VAV1: variants seen among roughly 807,000 people sequenced by gnomAD.
The protein encoded by VAV1 is vav guanine nucleotide exchange factor 1.
In VAV1, 33 loss-of-function variants were observed where a neutral mutation model predicts 128.1. The observed-to-expected ratio is 0.26, with a 90% CI of 0.20 to 0.34. The LOEUF is 0.34. VAV1 is among the 10% of genes least tolerant of loss of function. The pLI is 1.00. For synonymous variants in VAV1, 394 were observed against 409.8 expected (o/e 0.96, Z 0.47); for missense variants, 715 against 1,093.7 (o/e 0.65, Z 4.88).
intron 19 of VAV1, among the ~76,000 whole-genome samples, chr19:6,834,763 G>A (rs953136604): frequency 6.7e-6 from 1 of 148,816 alleles, no homozygotes; most frequent in African/African-American, 2.5e-5. Context: ...TCCCAGGCTG[G>A]AGTGCAGAGG....
chr19:6,783,035 C>T (rs966521647), intron 1 of VAV1, among the ~76,000 whole-genome samples: 1 of 152,016 alleles, frequency 6.6e-6, no homozygotes, highest in East Asian at 1.9e-4. Context: ...CATAAATTAG[C>T]CAGGCGTGGT....
rs558778888 is a variant in VAV1, at chr19:6,838,270, T to C, written c.1980+1220T>C. Among the ~76,000 whole-genome samples, 4 of 151,958 alleles carry C rather than the reference T, an allele frequency of 2.6e-5. No individual in the cohort carries two copies. The East Asian group carries it at 7.7e-4, about 29-fold the overall frequency. On this transcript the variant is annotated intron_variant, in intron 21 of 26. Coordinates refer to ENST00000602142, the MANE Select transcript of VAV1 (RefSeq NM_005428.4). ...ATCTTTTATCTATTTACCTATCATC[T>C]ATCCATCTATTCGTCATCTACATAT...
chr19:6,856,580 C>T (rs1451557464), intron 26 of VAV1, among the ~76,000 whole-genome samples: 46 of 150,320 alleles, frequency 3.1e-4, no homozygotes, highest in African/African-American at 9.8e-4. Flanking sequence ...AAAAATTAGC[C>T]GGGTGTGGTG....
intron 1 of VAV1, among the ~76,000 whole-genome samples, chr19:6,776,510 A>C (rs1180589942): frequency 1.7e-5 from 1 of 60,088 alleles, no homozygotes; most frequent in African/African-American, 7.1e-5. Flanking sequence ...TCATCTATCC[A>C]TCCATCCTCT....
rs116127848 is a variant in VAV1 at position 6,788,172 on chromosome 19, G to C, written c.204+15161G>C. On this transcript the variant is annotated intron_variant, in intron 1 of 26. Coordinates refer to ENST00000602142, the MANE Select transcript of VAV1 (RefSeq NM_005428.4). ...TGATATGGAACTTCTGGCCTCAAATGATCCTTCTGCCTCAGCCTCCCAAAG... is the reference window on the plus strand; with the variant it reads ...TGATATGGAACTTCTGGCCTCAAATCATCCTTCTGCCTCAGCCTCCCAAAG... Among the ~76,000 whole-genome samples, 593 of 152,046 alleles carry C rather than the reference G, an allele frequency of 3.9e-3. 5 individuals are homozygous for C. The highest frequency in any genetic ancestry group is 0.013 in the African/African-American group (529 of 41,510).
chr19:6,778,252 G>A (rs1055766958), intron 1 of VAV1, among the ~76,000 whole-genome samples: 1 of 152,140 alleles, frequency 6.6e-6, no homozygotes, highest in African/African-American at 2.4e-5. Context: ...CTGTGCTCTT[G>A]AAGTCCAAAA....
At chr19:6,839,140 A>G (rs1972305249) in intron 21 of VAV1, among the ~76,000 whole-genome samples, 1 of 149,708 alleles carries the variant, frequency 6.7e-6, no homozygotes, top group Admixed American at 6.7e-5. Context: ...TGACCTTGTG[A>G]TCCGCCAGCT....
chr19:6,809,396 T>C (rs1239386584), intron 1 of VAV1, among the ~76,000 whole-genome samples: 1 of 152,140 alleles, frequency 6.6e-6, no homozygotes, highest in Non-Finnish European at 1.5e-5. Context: ...CTTTGGCTGG[T>C]AGGAGCTGGA....
chr19:6,798,054 A>G (rs967148222), intron 1 of VAV1, among the ~76,000 whole-genome samples: 1 of 152,134 alleles, frequency 6.6e-6, no homozygotes, highest in East Asian at 1.9e-4. Flanking sequence ...AGGTGGGCAA[A>G]TCACTTGAGG....
Position 6,836,968 on chromosome 19 carries a change from G to A in VAV1, c.1915-17G>A. 1 of 1,613,888 alleles carries A rather than the reference G, an allele frequency of 6.2e-7. No homozygotes were observed. Among genetic ancestry groups the A allele is most frequent in the Non-Finnish European group, 8.5e-7 (1 of 1,179,866 alleles). On this transcript the variant is annotated splice_polypyrimidine_tract_variant and intron_variant, in intron 20 of 26. Transcript: ENST00000602142. ...CTATAACCTCTCTGTTCCTGTTTTT[G>A]TCTCCTGGGTGTTTAGGGCAGAAAT...
Position 6,848,102 on chromosome 19 carries a change from C to T in VAV1, c.2117C>T (p.Ala706Val). The T allele has an allele frequency of 6.4e-7, 1 of 1,552,444 alleles. No individual in the cohort carries two copies. ...RQRVKDAAEF[A>V]ISIKYNVEVK... ...AGGGTGAAGGATGCAGCAGAATTTG[C>T]CATCAGCATTAAGTAACTCCTTTCT... is the stretch of plus-strand genomic sequence containing the variant. The change falls in exon 23 of 27, where the codon GCC (alanine) becomes GTC (valine). Residue 706 changes from alanine to valine, a missense_variant. This residue lies in a region of VAV1 where 407 missense variants were observed against 580.6 expected (regional missense o/e 0.70). Transcript: ENST00000602142.
Position 6,822,257 on chromosome 19 carries a change from C to T in VAV1, c.486C>T (p.Cys162=), listed in dbSNP as rs1307904097. The T allele has an allele frequency of 4.4e-6, 7 of 1,587,492 alleles. No homozygotes were observed. Among genetic ancestry groups the T allele is most frequent in the East Asian group, 4.6e-5 (2 of 43,926 alleles). Residue 162 remains cysteine, a synonymous_variant, in exon 5 of 27, where the codon TGC becomes TGT. Coordinates refer to ENST00000602142, the MANE Select transcript of VAV1 (RefSeq NM_005428.4). This position sits in a 1 kb window ranked among gnomAD's most constrained non-coding sequence, Gnocchi z 5.9. ...AGGAGGATGAGGACCTGTATGACTG[C>T]GTGGAGAATGAGGAGGCGGAAGGCG... ...TVEEDEDLYD[C]VENEEAEGDE...
chr19:6,819,036 A>T (rs1971726402), intron 1 of VAV1, among the ~76,000 whole-genome samples: 1 of 152,090 alleles, frequency 6.6e-6, no homozygotes, highest in Non-Finnish European at 1.5e-5. Flanking sequence ...GAATTGCTTG[A>T]ACCTGGGAGG....
chr19:6,824,686 C>A (rs1056469615), intron 6 of VAV1, among the ~76,000 whole-genome samples: 1 of 152,114 alleles, frequency 6.6e-6, no homozygotes, highest in East Asian at 1.9e-4. Context: ...CATCTGCCAC[C>A]GTGCCCAGCT....
intron 1 of VAV1, among the ~76,000 whole-genome samples, chr19:6,812,492 T>C (rs1441465165): frequency 6.6e-6 from 1 of 152,016 alleles, no homozygotes; most frequent in Non-Finnish European, 1.5e-5. Context: ...CTGTCTCTAC[T>C]AAAAAGAAAA....
intron 24 of VAV1, among the ~76,000 whole-genome samples, chr19:6,852,417 CA>C (rs1263484815): frequency 2.0e-5 from 3 of 151,968 alleles, no homozygotes; most frequent in Non-Finnish European, 4.4e-5. Flanking sequence ...TAAGTTAGTC[CA>C]CTATTGAAAG....
intron 1 of VAV1, among the ~76,000 whole-genome samples, chr19:6,808,190 T>C (rs1305326466): frequency 2.0e-5 from 3 of 151,346 alleles, no homozygotes; most frequent in Non-Finnish European, 4.4e-5. Context: ...CAGGTGCCTG[T>C]AATCCCAGCT....
chr19:6,847,947 G>T (rs760669490), intron 22 of VAV1, 51 bp from the exon 23 acceptor site: 16 of 1,418,246 alleles, frequency 1.1e-5, no homozygotes, highest in Admixed American at 3.0e-5. Flanking sequence ...GGCAATATGG[G>T]GACCCAGGCA....
At chr19:6,806,808 G>T (rs183007881) in intron 1 of VAV1, among the ~76,000 whole-genome samples, 107 of 152,356 alleles carry the variant, frequency 7.0e-4, no homozygotes, top group African/African-American at 2.3e-3. Context: ...AAAGAGGAAA[G>T]GGTATGGATG....
Sources: allele counts gnomAD v4.1 joint callset (sites outside exome capture counted in the v4.1 genomes callset), GRCh38; gene constraint gnomAD v4.1.1; regional missense constraint gnomAD v4.1.1; non-coding constraint Gnocchi (gnomAD v3.1); transcripts MANE v1.5; gene names NCBI Gene and HGNC (gene_info 2026-07-23, HGNC 2026-07-21).